SLC35D3: variants seen among roughly 807,000 people sequenced by gnomAD.
SLC35D3 encodes the protein solute carrier family 35 member D3.
In SLC35D3, 18 loss-of-function variants were observed where a neutral mutation model predicts 20.3. That is an observed-to-expected ratio of 0.89 (90% CI 0.61 to 1.32). The LOEUF is 1.32. Among genes scored for constraint, SLC35D3 ranks in the 40% most tolerant of loss-of-function variants. The probability of loss-of-function intolerance (pLI) is 0.00; values close to 1 mark genes in which losing one functional copy is unlikely to be tolerated. For synonymous variants in SLC35D3, 313 were observed against 263.5 expected (o/e 1.19, Z -1.82); for missense variants, 556 against 565.5 (o/e 0.98, Z 0.17).
rs1050300430 is a variant in SLC35D3 at position 136,922,970 on chromosome 6, G to C, written c.439+103G>C. On this transcript the variant is annotated intron_variant, in intron 1 of 1. Coordinates refer to ENST00000331858, the MANE Select transcript of SLC35D3 (RefSeq NM_001008783.3). The surrounding 1 kb of genome is among the most constrained non-coding windows in gnomAD (Gnocchi z 6.8). ...AGTTCAACGACCTCACTTCCAGATG[G>C]GGAGACTGAGGCAGAGAGAGCCGGA... The C allele has an allele frequency of 2.4e-6, 3 of 1,229,610 alleles. No individual in the cohort carries two copies. The highest frequency in any genetic ancestry group is 3.3e-6 in the Non-Finnish European group (3 of 912,918). The allele number at this position is 1,229,610 out of a possible 1,614,324, so 76.2% of individuals were successfully genotyped here.
In SLC35D3 at chr6:136,924,463, G is replaced by T. The variant is rs752141525; in HGVS notation, c.1018G>T (p.Glu340Ter). 6.2e-7 allele frequency: 1 copy of T among 1,613,844 alleles called. No individual in the cohort carries two copies. The highest frequency in any genetic ancestry group is 8.5e-7 in the Non-Finnish European group (1 of 1,179,866). Reference sequence around the variant, plus strand: ...GTTCGTGATGGAGGAGCTGCCCGGGGAGGGAGGAAATGGCCGGTCAGAAGG... The same window carrying T: ...GTTCGTGATGGAGGAGCTGCCCGGGTAGGGAGGAAATGGCCGGTCAGAAGG... ...LPFVMEELPG[E>*]GGNGRSEGGE... The change falls in exon 2 of 2, where the codon GAG (glutamate) becomes TAG (stop). Residue 340 changes from glutamate to a stop codon, truncating the protein, a stop_gained. Coordinates refer to ENST00000331858, the MANE Select transcript of SLC35D3 (RefSeq NM_001008783.3). LOFTEE classifies it high-confidence loss of function.
At position 136,924,826 on chromosome 6, in the gene SLC35D3, A is replaced by AC. The variant is rs1312272133; in HGVS notation, c.*130_*131insC. ...AAGGGAAGAAAAGAAAGAAGCTGAA[A>AC]GGTACTGACACAGAGCAACAAAATT... On this transcript the variant is annotated 3_prime_UTR_variant, in exon 2 of 2. Coordinates refer to ENST00000331858, the MANE Select transcript of SLC35D3 (RefSeq NM_001008783.3). The AC allele has an allele frequency of 1.0e-6, 1 of 974,092 alleles. No homozygotes were observed. The highest frequency in any genetic ancestry group is 1.6e-5 in the African/African-American group (1 of 60,884). The allele number at this position is 974,092 out of a possible 1,614,324, so 60.3% of individuals were successfully genotyped here. A position where few individuals can be genotyped will look rare whatever the true frequency, so the allele number is the denominator to read the frequency against.
At position 136,922,768 on chromosome 6, in the gene SLC35D3, G is replaced by C. The variant is rs781026348; in HGVS notation, c.340G>C (p.Val114Leu). 59 of 1,566,768 alleles carry C rather than the reference G, an allele frequency of 3.8e-5. No individual in the cohort carries two copies. Among genetic ancestry groups the C allele is most frequent in the Non-Finnish European group, 5.0e-5 (58 of 1,156,268 alleles). ...YVVFKRCLPL[V>L]TMLIGVLVLK... The stretch of plus-strand genomic sequence containing the variant: ...GGTCTTCAAGCGCTGCCTGCCCCTG[G>C]TCACCATGCTCATCGGCGTCCTGGT... The change falls in exon 1 of 2, where the codon GTC becomes CTC. Residue 114 changes from valine (V) to leucine (L), a missense_variant. By Grantham distance (32) the Val-to-Leu change is conservative (BLOSUM62 1). Transcript: ENST00000331858. This position sits in a 1 kb window ranked among gnomAD's most constrained non-coding sequence, Gnocchi z 6.8.
rs1160983554 is a variant in SLC35D3 at position 136,923,976 on chromosome 6, G to A, written c.531G>A (p.Lys177=). The change falls in exon 2 of 2, where the codon AAG becomes AAA. Residue 177 remains lysine (K), a synonymous_variant. Transcript: ENST00000331858. The surrounding 1 kb of genome is among the most constrained non-coding windows in gnomAD (Gnocchi z 6.2). ...VHAAYLVLIQ[K]ASADTEHGPL... ...CTGCCTACCTGGTGCTCATCCAGAA[G>A]GCCAGCGCAGACACCGAGCACGGGC... 1.9e-6 allele frequency: 3 copies of A among 1,578,636 alleles called. No homozygotes were observed. The South Asian group carries it at 3.4e-5, about 18-fold the overall frequency.
In SLC35D3 at chr6:136,924,224, T is replaced by C; in HGVS notation, c.779T>C (p.Val260Ala). 1 of 1,613,886 alleles carries C rather than the reference T, an allele frequency of 6.2e-7. No individual in the cohort carries two copies. The highest frequency in any genetic ancestry group is 8.5e-7 in the Non-Finnish European group (1 of 1,180,020). Residue 260 changes from valine (V) to alanine (A), a missense_variant, in exon 2 of 2, where the codon GTG becomes GCG. Physicochemically the swap from Val to Ala is moderately conservative, Grantham distance 64 (BLOSUM62 0). Transcript: ENST00000331858. ...NSAVTTSFVG[V>A]VKSIATITVG... ...GCCGTGACCACCAGCTTCGTGGGTG[T>C]GGTGAAGAGCATCGCCACCATCACG...
In SLC35D3 at chr6:136,924,303, C is replaced by T. The variant is rs1407005998; in HGVS notation, c.858C>T (p.Gly286=). 1.2e-6 allele frequency: 2 copies of T among 1,614,138 alleles called. No individual in the cohort carries two copies. Among genetic ancestry groups the T allele is most frequent in the East Asian group, 2.2e-5 (1 of 44,882 alleles). ...DVEPTSLFIA[G]VVVNTLGSII... is the part of the protein sequence containing the mutation. The stretch of plus-strand genomic sequence containing the variant: ...AGCCCACCTCTCTGTTCATTGCCGG[C>T]GTGGTGGTGAACACCCTGGGCTCTA... The change falls in exon 2 of 2, where the codon GGC becomes GGT. Residue 286 remains glycine (G), a synonymous_variant. Coordinates refer to ENST00000331858, the MANE Select transcript of SLC35D3 (RefSeq NM_001008783.3).
rs1397625026 is a variant in SLC35D3 at position 136,922,538 on chromosome 6, A to G, written c.110A>G (p.Gln37Arg). ...ILLKFLISRY[Q>R]FSFLTLVQCL... ...CTCAAGTTCCTCATCAGCCGCTACC[A>G]GTTCTCCTTCCTGACCCTGGTGCAG... Residue 37 changes from glutamine (Q) to arginine (R), a missense_variant, in exon 1 of 2, where the codon CAG becomes CGG. Transcript: ENST00000331858. This position sits in a 1 kb window ranked among gnomAD's most constrained non-coding sequence, Gnocchi z 6.8. 1.2e-6 allele frequency: 2 copies of G among 1,612,452 alleles called. No individual in the cohort carries two copies. The highest frequency in any genetic ancestry group is 1.7e-6 in the Non-Finnish European group (2 of 1,179,666).
rs1358678222 is a variant in SLC35D3, at chr6:136,922,479, G to T, written c.51G>T (p.Ala17=). 4 of 1,604,848 alleles carry T rather than the reference G, an allele frequency of 2.5e-6. No homozygotes were observed. Among genetic ancestry groups the T allele is most frequent in the African/African-American group, 1.3e-5 (1 of 74,452 alleles). ...GRVLGISVAI[A]HGVFSGSLNI... is the part of the protein sequence containing the mutation. Reference sequence around the variant, plus strand: ...TGCTGGGCATCTCGGTGGCCATCGCGCACGGGGTCTTCTCGGGCTCCCTCA... The same window carrying T: ...TGCTGGGCATCTCGGTGGCCATCGCTCACGGGGTCTTCTCGGGCTCCCTCA... Residue 17 remains alanine, a synonymous_variant, in exon 1 of 2, where the codon GCG becomes GCT. Coordinates refer to ENST00000331858, the MANE Select transcript of SLC35D3 (RefSeq NM_001008783.3). This position sits in a 1 kb window ranked among gnomAD's most constrained non-coding sequence, Gnocchi z 6.8.
chr6:136,922,526 T>A lies in SLC35D3; in HGVS notation c.98T>A (p.Ile33Asn). The change falls in exon 1 of 2, where the codon ATC becomes AAC. Residue 33 changes from isoleucine (I) to asparagine (N), a missense_variant. Ile to Asn is a moderately radical substitution (Grantham distance 149). Transcript: ENST00000331858. This position sits in a 1 kb window ranked among gnomAD's most constrained non-coding sequence, Gnocchi z 6.8. Reference sequence around the variant, plus strand: ...CTCAACATCTTGCTCAAGTTCCTCATCAGCCGCTACCAGTTCTCCTTCCTG... The same window carrying A: ...CTCAACATCTTGCTCAAGTTCCTCAACAGCCGCTACCAGTTCTCCTTCCTG... ...GSLNILLKFLISRYQFSFLTL... is the reference protein window; with the variant it reads ...GSLNILLKFLNSRYQFSFLTL... The A allele has an allele frequency of 6.2e-7, 1 of 1,612,156 alleles. No homozygotes were observed. Among genetic ancestry groups the A allele is most frequent in the Non-Finnish European group, 8.5e-7 (1 of 1,179,594 alleles).
At position 136,925,393 on chromosome 6, in the gene SLC35D3, A is replaced by C. The variant is rs753199444; in HGVS notation, c.*697A>C. The C allele has an allele frequency of 6.6e-6, 1 of 152,592 alleles. No homozygotes were observed. Among genetic ancestry groups the C allele is most frequent in the Non-Finnish European group, 1.5e-5 (1 of 68,034 alleles). 9.5% of individuals were successfully genotyped at this position (152,592 alleles called of 1,614,324 possible). A position where few individuals can be genotyped will look rare whatever the true frequency, so the allele number is the denominator to read the frequency against. On this transcript the variant is annotated 3_prime_UTR_variant, in exon 2 of 2. Coordinates refer to ENST00000331858, the MANE Select transcript of SLC35D3 (RefSeq NM_001008783.3). ...TTTGGTTCATTGCTTTATAATATTT[A>C]TTATTGAATGCCAAACCTGTTCTTT...
rs1776089104 is a variant in SLC35D3 at position 136,923,460 on chromosome 6, G to A, written c.440-425G>A. 2.6e-5 allele frequency among the ~76,000 whole-genome samples: 4 copies of A among 152,202 alleles called. No homozygotes were observed. The highest frequency in any genetic ancestry group is 2.6e-4 in the Admixed American group (4 of 15,288). On this transcript the variant is annotated intron_variant, in intron 1 of 1. Transcript: ENST00000331858. The surrounding 1 kb of genome is among the most constrained non-coding windows in gnomAD (Gnocchi z 6.2). ...AGGCGTTCTCCCCCGCGCCTGGCCCGCTCCGGGTTGCAGGCCACTGGCTGG... is the reference window on the plus strand; with the variant it reads ...AGGCGTTCTCCCCCGCGCCTGGCCCACTCCGGGTTGCAGGCCACTGGCTGG...
At position 136,922,976 on chromosome 6, in the gene SLC35D3, C is replaced by A; in HGVS notation, c.439+109C>A. The A allele has an allele frequency of 8.2e-7, 1 of 1,215,918 alleles. No individual in the cohort carries two copies. The highest frequency in any genetic ancestry group is 1.1e-6 in the Non-Finnish European group (1 of 901,052). The allele number at this position is 1,215,918 out of a possible 1,614,324, so 75.3% of individuals were successfully genotyped here. ...ACGACCTCACTTCCAGATGGGGAGA[C>A]TGAGGCAGAGAGAGCCGGAGAGCTT... On this transcript the variant is annotated intron_variant, in intron 1 of 1. Coordinates refer to ENST00000331858, the MANE Select transcript of SLC35D3 (RefSeq NM_001008783.3). This position sits in a 1 kb window ranked among gnomAD's most constrained non-coding sequence, Gnocchi z 6.8.
In SLC35D3 at chr6:136,924,512, C is replaced by T. The variant is rs768240395; in HGVS notation, c.1067C>T (p.Ala356Val). ...GGTGGGGAGGCAGCAGGTGGCCCCG[C>T]TCAGGAGAGCAGGCAAGAGGTCAGG... The part of the protein sequence containing the change: ...SEGGEAAGGP[A>V]QESRQEVRGS... The change falls in exon 2 of 2, where the codon GCT becomes GTT. Residue 356 changes from alanine (A) to valine (V), a missense_variant. Coordinates refer to ENST00000331858, the MANE Select transcript of SLC35D3 (RefSeq NM_001008783.3). The T allele has an allele frequency of 8.1e-6, 13 of 1,613,370 alleles. No homozygotes were observed. The Admixed American group carries it at 2.2e-4, about 27-fold the overall frequency.
Position 136,924,122 on chromosome 6 carries a change from T to C in SLC35D3, c.677T>C (p.Val226Ala). The C allele has an allele frequency of 6.2e-7, 1 of 1,612,796 alleles. No individual in the cohort carries two copies. The highest frequency in any genetic ancestry group is 1.1e-5 in the South Asian group (1 of 91,078). ...CCGGGCTGGAAGGACCCGGCCATGG[T>C]CTGCATCTTCGTGGCCTGCATCCTG... ...TFPGWKDPAM[V>A]CIFVACILIG... Residue 226 changes from valine (V) to alanine (A), a missense_variant, in exon 2 of 2, where the codon GTC (valine) becomes GCC (alanine). Coordinates refer to ENST00000331858, the MANE Select transcript of SLC35D3 (RefSeq NM_001008783.3).
In SLC35D3 at chr6:136,925,003, T is replaced by A. The variant is rs1054356206; in HGVS notation, c.*307T>A. ...TTATAACCATAACTAAATATCTGCA[T>A]GTACCAAGAGTCCCTAAGCCACCCC... is the stretch of plus-strand genomic sequence containing the variant. On this transcript the variant is annotated 3_prime_UTR_variant, in exon 2 of 2. Transcript: ENST00000331858. 4.3e-6 allele frequency: 1 copy of A among 234,142 alleles called. No homozygotes were observed. Among genetic ancestry groups the A allele is most frequent in the East Asian group, 9.5e-5 (1 of 10,564 alleles). The allele number at this position is 234,142 out of a possible 1,614,324, so 14.5% of individuals were successfully genotyped here.
chr6:136,922,324 C>T lies in SLC35D3; in HGVS notation c.-105C>T. On this transcript the variant is annotated 5_prime_UTR_variant, in exon 1 of 2. Coordinates refer to ENST00000331858, the MANE Select transcript of SLC35D3 (RefSeq NM_001008783.3). This position sits in a 1 kb window ranked among gnomAD's most constrained non-coding sequence, Gnocchi z 6.8. Reference sequence around the variant, plus strand: ...CGAGCCGGCGCCCCCTGCCCTTCGCCGCCGCGCTGGGCGGGCGCCCCCGCC... The same window carrying T: ...CGAGCCGGCGCCCCCTGCCCTTCGCTGCCGCGCTGGGCGGGCGCCCCCGCC... 1.9e-6 allele frequency: 2 copies of T among 1,053,962 alleles called. No homozygotes were observed. Among genetic ancestry groups the T allele is most frequent in the Non-Finnish European group, 2.4e-6 (2 of 844,456 alleles). 65.3% of individuals were successfully genotyped at this position (1,053,962 alleles called of 1,614,324 possible).
chr6:136,923,019 C>G lies in SLC35D3; in HGVS notation c.439+152C>G. On this transcript the variant is annotated intron_variant, in intron 1 of 1. Transcript: ENST00000331858. The surrounding 1 kb of genome is among the most constrained non-coding windows in gnomAD (Gnocchi z 6.2). ...GAGAGCTTTGAGAGTGGTCGCTCAG[C>G]TCGCAAAAGGGACTTCCGAGACCCA... 1.1e-6 allele frequency: 1 copy of G among 922,916 alleles called. No homozygotes were observed. The highest frequency in any genetic ancestry group is 2.8e-5 in the East Asian group (1 of 36,158). 57.2% of individuals were successfully genotyped at this position (922,916 alleles called of 1,614,324 possible).
rs764825335 is a variant in SLC35D3, at chr6:136,924,547, C to G, written c.1102C>G (p.Arg368Gly). 6.2e-7 allele frequency: 1 copy of G among 1,613,354 alleles called. No homozygotes were observed. Among genetic ancestry groups the G allele is most frequent in the Non-Finnish European group, 8.5e-7 (1 of 1,179,956 alleles). The stretch of plus-strand genomic sequence containing the variant: ...CAGGCAAGAGGTCAGGGGCAGCCCC[C>G]GAGGAGTCCCGCTGGTGGCTGGGAG... ...ESRQEVRGSP[R>G]GVPLVAGSSE... Residue 368 changes from arginine to glycine, a missense_variant, in exon 2 of 2, where the codon CGA becomes GGA. Arg to Gly is a moderately radical substitution (Grantham distance 125). Transcript: ENST00000331858.
In SLC35D3 at chr6:136,922,311, C is replaced by T. The variant is rs1319876869; in HGVS notation, c.-118C>T. 5.6e-6 allele frequency: 5 copies of T among 897,120 alleles called. No homozygotes were observed. Among genetic ancestry groups the T allele is most frequent in the Non-Finnish European group, 7.1e-6 (5 of 706,232 alleles). 55.6% of individuals were successfully genotyped at this position (897,120 alleles called of 1,614,324 possible). A position where few individuals can be genotyped will look rare whatever the true frequency, so the allele number is the denominator to read the frequency against. On this transcript the variant is annotated 5_prime_UTR_variant, in exon 1 of 2. Transcript: ENST00000331858. This position sits in a 1 kb window ranked among gnomAD's most constrained non-coding sequence, Gnocchi z 6.8. ...TGCCCTCTGCAGCCGAGCCGGCGCC[C>T]CCTGCCCTTCGCCGCCGCGCTGGGC...
Sources: gnomAD v4.1 joint callset for allele counts (sites outside exome capture counted in the v4.1 genomes callset) on GRCh38, gnomAD v4.1.1 for gene constraint, Gnocchi (gnomAD v3.1) non-coding constraint, MANE v1.5 for transcripts, NCBI Gene and HGNC (gene_info 2026-07-23, HGNC 2026-07-21) for gene names.